The following COL18A1 variants were observed in gnomAD, a reference collection of about 807,000 sequenced individuals.
The protein encoded by COL18A1 is collagen type XVIII alpha 1 chain.
COL18A1 carries 133 observed loss-of-function variants against 168.0 expected under a neutral mutation model. The ratio of observed to expected loss-of-function variants is 0.79; its 90% CI spans 0.69 to 0.91. The LOEUF is 0.91. COL18A1 is among the 40% of genes least tolerant of loss of function. The pLI is 0.00. For synonymous variants in COL18A1, 949 were observed against 809.0 expected, an observed-to-expected ratio of 1.17 and a Z score of -2.94; for missense variants, 2,126 against 1,925.4, an observed-to-expected ratio of 1.10 and a Z score of -1.95.
At chr21:45,459,836 C>T (rs1176296907) in intron 2 of COL18A1, among the ~76,000 whole-genome samples, 1 of 152,162 alleles carries the variant, frequency 6.6e-6, no homozygotes, top group Non-Finnish European at 1.5e-5. Context: ...TGGGCTGTCT[C>T]AGTGGGACTC....
At chr21:45,490,923 A>G in intron 21 of COL18A1, 52 bp downstream of exon 21, 3 of 1,523,738 alleles carry the variant, frequency 2.0e-6, no homozygotes, top group East Asian at 2.5e-5. Context: ...GGGACATCCC[A>G]GAAGGTTTGG....
intron 2 of COL18A1, among the ~76,000 whole-genome samples, chr21:45,416,888 G>T (rs113149091): frequency 2.6e-4 from 40 of 152,158 alleles, no homozygotes; most frequent in African/African-American, 8.0e-4. Flanking sequence ...GCATTTCCTC[G>T]TCTGAATTGC....
At chr21:45,493,755 G>T (rs951379587) in intron 26 of COL18A1, 180 bp downstream of exon 26, 1 of 606,084 alleles carries the variant, frequency 1.6e-6, no homozygotes, top group Non-Finnish European at 2.9e-6. Context: ...CGGCGGTTCC[G>T]CCGGCCCCTC....
At chr21:45,508,054 G>T (rs2146106518) in intron 38 of COL18A1, among the ~76,000 whole-genome samples, 1 of 151,704 alleles carries the variant, frequency 6.6e-6, no homozygotes, top group Admixed American at 6.6e-5. Context: ...GGTAGATGGG[G>T]AGGTGGATGG....
At chr21:45,487,401 C>G in intron 16 of COL18A1, 46 bp from the exon 17 acceptor site, 1 of 1,606,928 alleles carries the variant, frequency 6.2e-7, no homozygotes, top group Non-Finnish European at 8.5e-7. Flanking sequence ...GGGTCCTTCC[C>G]TAAGAAGGGA....
rs2123483650 is a variant in COL18A1 at position 45,405,411 on chromosome 21, T to C, written c.44T>C (p.Leu15Pro). ...CPWPWPRRRR[L>P]LDVLAPLVLL... ...TGGCCATGGCCGCGGCGGCGGCGCC[T>C]CCTGGACGTGCTCGCGCCCCTGGTC... is the stretch of plus-strand genomic sequence containing the variant. The change falls in exon 2 of 42, where the codon CTC becomes CCC. Residue 15 changes from leucine to proline, a missense_variant. Transcript: ENST00000651438. 1.5e-6 allele frequency: 2 copies of C among 1,349,338 alleles called. No homozygotes were observed. The highest frequency in any genetic ancestry group is 1.9e-6 in the Non-Finnish European group (2 of 1,044,354). 83.6% of individuals were successfully genotyped at this position (1,349,338 alleles called of 1,614,324 possible).
chr21:45,485,245 C>T (rs1256782542), intron 15 of COL18A1, among the ~76,000 whole-genome samples: 1 of 148,566 alleles, frequency 6.7e-6, no homozygotes. Flanking sequence ...AGGTGATCCA[C>T]CTGCCTCGGC....
In COL18A1 at chr21:45,505,143, GGA is replaced by G. The variant is rs1176071759; in HGVS notation, c.2884_2885del (p.Ser962HisfsTer124). 1.2e-6 allele frequency: 2 copies of G among 1,609,604 alleles called. No homozygotes were observed. The highest frequency in any genetic ancestry group is 8.5e-7 in the Non-Finnish European group (1 of 1,178,926). ...TTGTCGCCGTCCGTAGGGTCCCAAGGGAGAGAGCATCCGGGGCCAGCCCGGCC... is the reference window on the plus strand; with the variant it reads ...TTGTCGCCGTCCGTAGGGTCCCAAGGGAGAGCATCCGGGGCCAGCCCGGCC... ...RGYPGIPGPK[G>X]ESIRGQPGPP... On this transcript the variant is annotated frameshift_variant, in exon 35 of 42. Coordinates refer to ENST00000651438, the MANE Select transcript of COL18A1 (RefSeq NM_001379500.1). LOFTEE classifies it high-confidence loss of function.
chr21:45,478,681 C>T (rs1418779973), intron 9 of COL18A1, among the ~76,000 whole-genome samples: 89 of 131,404 alleles, frequency 6.8e-4, no homozygotes, highest in East Asian at 7.5e-4. Flanking sequence ...TGCAAGTCGG[C>T]GGGGGAGGGA....
intron 2 of COL18A1, among the ~76,000 whole-genome samples, chr21:45,467,596 G>T (rs923180344): frequency 3.3e-5 from 5 of 152,208 alleles, no homozygotes; most frequent in African/African-American, 1.2e-4. Flanking sequence ...ATGCCACGTG[G>T]AACCCCAGCT....
At position 45,497,038 on chromosome 21, in the gene COL18A1, C is replaced by T. The variant is rs201057172; in HGVS notation, c.2578-12C>T. 1.5e-4 allele frequency: 242 copies of T among 1,598,504 alleles called. 1 individual carries two copies. Among genetic ancestry groups the T allele is most frequent in the South Asian group, 3.4e-4 (31 of 90,872 alleles). On this transcript the variant is annotated splice_polypyrimidine_tract_variant and intron_variant, in intron 30 of 41. Coordinates refer to ENST00000651438, the MANE Select transcript of COL18A1 (RefSeq NM_001379500.1). ...ATCGCCCTCAGCAGCCGCCTCTCCC[C>T]GTTCCTTGCAGGTGTTTGCTGAGTC...
At chr21:45,413,524 C>T (rs1280997208) in intron 2 of COL18A1, among the ~76,000 whole-genome samples, 1 of 152,260 alleles carries the variant, frequency 6.6e-6, no homozygotes, top group Non-Finnish European at 1.5e-5. Flanking sequence ...GAGGAGCTTT[C>T]TTGTGAAGAG....
intron 8 of COL18A1, 168 bp from the exon 9 acceptor site, chr21:45,478,159 C>T (rs894571299): frequency 1.1e-6 from 1 of 896,246 alleles, no homozygotes; most frequent in Non-Finnish European, 1.8e-6. Flanking sequence ...TGCTCAGACA[C>T]AGCCCTTGTG....
intron 2 of COL18A1, among the ~76,000 whole-genome samples, chr21:45,438,665 C>T (rs2034287268): frequency 6.6e-6 from 1 of 152,230 alleles, no homozygotes; most frequent in Non-Finnish European, 1.5e-5. Context: ...TGAGCCCTTC[C>T]ATGGCTGTTC....
rs747382450 is a variant in COL18A1 at position 45,498,540 on chromosome 21, C to T, written c.2683+879C>T. On this transcript the variant is annotated intron_variant, in intron 32 of 41. Transcript: ENST00000651438. This position sits in a 1 kb window ranked among gnomAD's most constrained non-coding sequence, Gnocchi z 4.5. ...GAGGAGGCCGCCATACCTGCTCTTG[C>T]TGGGGCTGCACTCTGGGGTGGGAAG... 2 of 716,748 alleles carry T rather than the reference C, an allele frequency of 2.8e-6. No homozygotes were observed. Among genetic ancestry groups the T allele is most frequent in the Admixed American group, 4.0e-5 (2 of 50,000 alleles). 44.4% of individuals were successfully genotyped at this position (716,748 alleles called of 1,614,324 possible).
chr21:45,481,944 A>G lies in COL18A1; in HGVS notation c.1612-19A>G, dbSNP rs769283418. 1.8e-5 allele frequency: 28 copies of G among 1,595,320 alleles called. No homozygotes were observed. The highest frequency in any genetic ancestry group is 7.7e-6 in the Non-Finnish European group (9 of 1,163,134). On this transcript the variant is annotated intron_variant, in intron 13 of 41. Coordinates refer to ENST00000651438, the MANE Select transcript of COL18A1 (RefSeq NM_001379500.1). ...TGGCCGAATGCCATCAAGACCCACT[A>G]TGCTCTGCTCTCCCCCAGGGACCCC...
rs1376986776 is a variant in COL18A1, at chr21:45,476,742, A to ATG, written c.928+271_928+272dup. Among the ~76,000 whole-genome samples, 36 of 147,694 alleles carry ATG rather than the reference A, an allele frequency of 2.4e-4. No homozygotes were observed. The South Asian group carries it at 6.9e-3, about 28-fold the overall frequency. ...GTGTGTATGGTGCATGCATGTGGGC[A>ATG]TGTGTGTGTGCAGTGTGTGGTGTGT... On this transcript the variant is annotated intron_variant, in intron 6 of 41. Coordinates refer to ENST00000651438, the MANE Select transcript of COL18A1 (RefSeq NM_001379500.1).
Position 45,492,702 on chromosome 21 carries a change from G to A in COL18A1, c.2203G>A (p.Ala735Thr), listed in dbSNP as rs372137898. 41 of 1,609,204 alleles carry A rather than the reference G, an allele frequency of 2.5e-5. No individual in the cohort carries two copies. The highest frequency in any genetic ancestry group is 3.2e-5 in the Non-Finnish European group (38 of 1,178,804). Residue 735 changes from alanine (A) to threonine (T), a missense_variant, in exon 24 of 42, where the codon GCA (alanine) becomes ACA (threonine). Physicochemically the swap from Ala to Thr is moderately conservative, Grantham distance 58 (BLOSUM62 0). Transcript: ENST00000651438. The stretch of plus-strand genomic sequence containing the variant: ...CTTTCCCCAGGGCCGGCCGGGTTTC[G>A]CAGGCTTTCCCGTGAGTAACCTGGT... ...VPGPEGRPGF[A>T]GFPGPAGPKG...
At chr21:45,501,312 C>T (rs2036809909) in intron 32 of COL18A1, among the ~76,000 whole-genome samples, 1 of 152,046 alleles carries the variant, frequency 6.6e-6, no homozygotes, top group Non-Finnish European at 1.5e-5. Context: ...TATAGGGGGA[C>T]TTTCAGCCCA....
Sources: allele counts gnomAD v4.1 joint callset (sites outside exome capture counted in the v4.1 genomes callset), GRCh38; gene constraint gnomAD v4.1.1; non-coding constraint Gnocchi (gnomAD v3.1); transcripts MANE v1.5; gene names NCBI Gene and HGNC (gene_info 2026-07-23, HGNC 2026-07-21).